Variants in TMEM114 observed in about 807,000 individuals in gnomAD.
TMEM114 encodes the protein transmembrane protein 114, also known as claudin-26.
Under a neutral mutation model 6.2 loss-of-function variants are expected in TMEM114, and 6 were observed. The ratio of observed to expected loss-of-function variants is 0.97; its 90% CI spans 0.53 to 1.91. The LOEUF is 1.91. Ranked by LOEUF, TMEM114 falls within the 40% of genes most tolerant of loss-of-function variation. The pLI, the probability that TMEM114 is intolerant of heterozygous loss-of-function variation, is 0.01. For missense variants in TMEM114, 218 were observed against 158.3 expected, an observed-to-expected ratio of 1.38 and a Z score of -2.02; for synonymous variants, 104 against 73.0, an observed-to-expected ratio of 1.42 and a Z score of -2.16.
chr16:8,564,081 ATGAG>A lies in TMEM114; in HGVS notation n.212+25128_212+25131del, dbSNP rs1309626357. 2.8e-4 allele frequency among the ~76,000 whole-genome samples: 41 copies of A among 147,804 alleles called. 1 individual carries two copies. The highest frequency in any genetic ancestry group is 6.4e-4 in the South Asian group (3 of 4,684). Reference sequence around the variant, plus strand: ...AGTAAATGAGTGAGTGAGTGCATGAATGAGTGAGTGAGTGAATGAGTGAGGAAAT... The same window carrying A: ...AGTAAATGAGTGAGTGAGTGCATGAATGAGTGAGTGAATGAGTGAGGAAAT... On this transcript the variant is annotated intron_variant and non_coding_transcript_variant, in intron 2 of 2. Coordinates refer to the TMEM114 transcript ENST00000623677.
At chr16:8,560,003 T>C (rs927612903) in intron 2 of TMEM114, among the ~76,000 whole-genome samples, 4 of 151,934 alleles carry the variant, frequency 2.6e-5, no homozygotes, top group Non-Finnish European at 4.4e-5. Flanking sequence ...CTTGTTGTGG[T>C]TGTTGTTGTT....
intron 2 of TMEM114, among the ~76,000 whole-genome samples, chr16:8,574,366 T>A (rs1341243561): frequency 6.6e-6 from 1 of 152,160 alleles, no homozygotes; most frequent in Non-Finnish European, 1.5e-5. Flanking sequence ...CATAACTCTA[T>A]CAATAATAAA....
chr16:8,569,628 T>A lies in TMEM114; in HGVS notation c.*145A>T. The A allele has an allele frequency of 4.9e-6, 7 of 1,437,306 alleles. No individual in the cohort carries two copies. The highest frequency in any genetic ancestry group is 6.4e-6 in the Non-Finnish European group (7 of 1,100,214). 89.0% of individuals were successfully genotyped at this position (1,437,306 alleles called of 1,614,324 possible). Reference sequence around the variant, plus strand: ...GATAACAGCCAGGCCCCAAGCTTAGTCCGCGGGGATTTGTGGGGGAAGGAG... The same window carrying A: ...GATAACAGCCAGGCCCCAAGCTTAGACCGCGGGGATTTGTGGGGGAAGGAG... On this transcript the variant is annotated 3_prime_UTR_variant, in exon 4 of 4. Coordinates refer to ENST00000620492, the MANE Select transcript of TMEM114 (RefSeq NM_001146336.2).
chr16:8,546,875 T>A (rs1463041112), intron 2 of TMEM114, among the ~76,000 whole-genome samples: 1 of 152,256 alleles, frequency 6.6e-6, no homozygotes, highest in Non-Finnish European at 1.5e-5. Context: ...TCCCTTGCTA[T>A]GGCAAGCTCT....
chr16:8,583,054 CTA>C (rs1902207148), intron 2 of TMEM114, among the ~76,000 whole-genome samples: 2 of 152,200 alleles, frequency 1.3e-5, no homozygotes, highest in Admixed American at 6.5e-5. Flanking sequence ...CCTGACTTCT[CTA>C]TGTCTCCATT....
At chr16:8,533,605 T>C (rs76938352), downstream of TMEM114, among the ~76,000 whole-genome samples, 13,459 of 152,330 alleles carry the variant, frequency 0.088, 757 homozygotes, top group Admixed American at 0.15. Context: ...GGATGCTTTA[T>C]GGAAAATTGA....
chr16:8,538,544 G>A (rs1900427866), intron 2 of TMEM114, among the ~76,000 whole-genome samples: 1 of 151,720 alleles, frequency 6.6e-6, no homozygotes, highest in Admixed American at 6.6e-5. Context: ...GTCTTGCTCT[G>A]TCGCCCAGGC....
downstream of TMEM114, among the ~76,000 whole-genome samples, chr16:8,565,864 T>C (rs1032868067): frequency 2.6e-5 from 4 of 152,186 alleles, no homozygotes; most frequent in Non-Finnish European, 5.9e-5. Flanking sequence ...ACTGGTTGTT[T>C]TTTAAATAGG....
intron 2 of TMEM114, among the ~76,000 whole-genome samples, chr16:8,562,544 ATGAG>A (rs775388957): frequency 2.9e-5 from 4 of 135,914 alleles, no homozygotes; most frequent in Admixed American, 7.4e-5. Flanking sequence ...GAGTGAGTGA[ATGAG>A]TGAGTGCGTC....
At chr16:8,580,648 T>C (rs949786550) in intron 2 of TMEM114, among the ~76,000 whole-genome samples, 2 of 152,180 alleles carry the variant, frequency 1.3e-5, no homozygotes, top group Non-Finnish European at 1.5e-5. Context: ...TTCTATATAT[T>C]CACATATTCC....
At chr16:8,563,713 GTGAGTGAA>G (rs1216001388) in intron 2 of TMEM114, among the ~76,000 whole-genome samples, 1 of 148,714 alleles carries the variant, frequency 6.7e-6, no homozygotes, top group Non-Finnish European at 1.5e-5. Context: ...GAATGAGTGA[GTGAGTGAA>G]TGAGTCAGTG....
the TMEM114 span, among the ~76,000 whole-genome samples, chr16:8,527,791 C>T: frequency 6.6e-6 from 1 of 152,222 alleles, no homozygotes; most frequent in Admixed American, 6.5e-5. Flanking sequence ...CACCATGACT[C>T]TGTCTCCCCC....
chr16:8,537,609 A>G (rs1391110936), exon 3 of TMEM114: 2 of 152,266 alleles, frequency 1.3e-5, no homozygotes, highest in African/African-American at 4.8e-5. Context: ...TTCCCAATTC[A>G]TATAGCTATT....
At chr16:8,550,900 G>A (rs911741432) in intron 2 of TMEM114, among the ~76,000 whole-genome samples, 3 of 152,248 alleles carry the variant, frequency 2.0e-5, no homozygotes, top group South Asian at 2.1e-4. Flanking sequence ...TGAGAGAACC[G>A]CAGTAGAAGA....
chr16:8,572,439 G>T (rs1901766703), intron 2 of TMEM114: 2 of 597,510 alleles, frequency 3.3e-6, no homozygotes, highest in African/African-American at 1.9e-5. Context: ...TGTTCTTGTT[G>T]TTTGTTTTGT....
intron 2 of TMEM114, among the ~76,000 whole-genome samples, chr16:8,581,867 T>G (rs528692824): frequency 1.3e-5 from 2 of 152,150 alleles, no homozygotes; most frequent in African/African-American, 4.8e-5. Flanking sequence ...CCCAGAGGAT[T>G]GAAGATCCAC....
intron 1 of TMEM114, 130 bp downstream of exon 1, chr16:8,589,489 C>G (rs1353819953): frequency 1.0e-5 from 4 of 398,086 alleles, no homozygotes; most frequent in African/African-American, 8.2e-5. Context: ...ACCTTCCCCC[C>G]GAGTCCCTAG....
chr16:8,542,142 T>TGG (rs75052886), intron 2 of TMEM114, among the ~76,000 whole-genome samples: 9,638 of 150,142 alleles, frequency 0.064, 448 homozygotes, highest in African/African-American at 0.13. Context: ...GGATGATTCG[T>TGG]GGGGGGGGGT....
At chr16:8,530,005 C>G in the TMEM114 span, among the ~76,000 whole-genome samples, 1 of 152,184 alleles carries the variant, frequency 6.6e-6, no homozygotes, top group African/African-American at 2.4e-5. Context: ...AATTGTGAAA[C>G]CTAATTTTTT....
Sources: gnomAD v4.1 joint callset for allele counts (sites outside exome capture counted in the v4.1 genomes callset) on GRCh38, gnomAD v4.1.1 for gene constraint, MANE v1.5 for transcripts, NCBI Gene and HGNC (gene_info 2026-07-23, HGNC 2026-07-21) for gene names.